The following RUNDC3B variants were observed in gnomAD, a reference collection of about 807,000 sequenced individuals.
RUNDC3B encodes RUN domain-containing protein 3B.
In RUNDC3B, 33 loss-of-function variants were observed where a neutral mutation model predicts 58.4. That is an observed-to-expected ratio of 0.56 (90% CI 0.43 to 0.75). The LOEUF (loss-of-function observed/expected upper bound fraction) is 0.75. RUNDC3B is among the 30% of genes least tolerant of loss of function. The pLI is 0.00. For synonymous variants in RUNDC3B, 193 were observed against 195.2 expected (o/e 0.99, Z 0.10); for missense variants, 501 against 535.7 (o/e 0.94, Z 0.64).
At chr7:87,740,425 C>G (rs1184785593) in intron 5 of RUNDC3B, among the ~76,000 whole-genome samples, 1 of 152,008 alleles carries the variant, frequency 6.6e-6, no homozygotes, top group Non-Finnish European at 1.5e-5. Flanking sequence ...ATGGGCAATA[C>G]AAGTTCTTTT....
intron 2 of RUNDC3B, among the ~76,000 whole-genome samples, chr7:87,695,399 G>C (rs1828413228): frequency 6.6e-6 from 1 of 151,996 alleles, no homozygotes; most frequent in African/African-American, 2.4e-5. Flanking sequence ...TAAGAAACTT[G>C]GGATTGCTGC....
intron 6 of RUNDC3B, among the ~76,000 whole-genome samples, chr7:87,751,623 T>A (rs1311994852): frequency 6.6e-6 from 1 of 152,138 alleles, no homozygotes; most frequent in Non-Finnish European, 1.5e-5. Flanking sequence ...TTCCTAGGTA[T>A]TTTATTCTCT....
intron 2 of RUNDC3B, among the ~76,000 whole-genome samples, chr7:87,683,037 C>G (rs1427807787): frequency 1.3e-5 from 2 of 152,180 alleles, no homozygotes; most frequent in African/African-American, 4.8e-5. Flanking sequence ...GCACTTGCTG[C>G]TTCACCTTTT....
chr7:87,673,545 G>A (rs1826037780), intron 2 of RUNDC3B, among the ~76,000 whole-genome samples: 1 of 152,176 alleles, frequency 6.6e-6, no homozygotes, highest in Admixed American at 6.5e-5. Flanking sequence ...TTCTCGAAGT[G>A]TGCATGTCTA....
intron 4 of RUNDC3B, among the ~76,000 whole-genome samples, chr7:87,717,559 A>G (rs1025640086): frequency 6.6e-6 from 1 of 152,064 alleles, no homozygotes; most frequent in Non-Finnish European, 1.5e-5. Flanking sequence ...AAATCCTACA[A>G]TCTCTCTGTT....
At chr7:87,695,995 C>A (rs780039940) in intron 2 of RUNDC3B, among the ~76,000 whole-genome samples, 3 of 152,016 alleles carry the variant, frequency 2.0e-5, no homozygotes, top group Non-Finnish European at 2.9e-5. Flanking sequence ...AACAGATTGT[C>A]TTTTAGTCTA....
chr7:87,644,788 A>G lies in RUNDC3B; in HGVS notation c.123-6034A>G, dbSNP rs1035644121. ...GGATATATATATATTAATGCAGAACATTAAATATTAAAGATGAATTTTCAC... is the reference window on the plus strand; with the variant it reads ...GGATATATATATATTAATGCAGAACGTTAAATATTAAAGATGAATTTTCAC... On this transcript the variant is annotated intron_variant, in intron 1 of 10. Transcript: ENST00000394654. 2.0e-5 allele frequency among the ~76,000 whole-genome samples: 3 copies of G among 152,106 alleles called. No individual in the cohort carries two copies. In the East Asian group the frequency reaches 5.8e-4, roughly 29 times the overall value.
rs77643197 is a variant in RUNDC3B, at chr7:87,774,418, A to G, written c.799-3380A>G. Among the ~76,000 whole-genome samples the G allele has an allele frequency of 3.3e-3, 501 of 152,230 alleles. 3 individuals carry two copies. The highest frequency in any genetic ancestry group is 0.011 in the African/African-American group (472 of 41,562). ...GATATTGGTGAAGTAAAAAAGAAAC[A>G]GAATTAACAAAACCAAGAGATAATT... On this transcript the variant is annotated intron_variant, in intron 7 of 10. Coordinates refer to ENST00000394654, the MANE Select transcript of RUNDC3B (RefSeq NM_001134405.2).
intron 4 of RUNDC3B, among the ~76,000 whole-genome samples, chr7:87,729,894 G>A (rs190074796): frequency 7.6e-4 from 116 of 152,258 alleles, no homozygotes; most frequent in Admixed American, 5.2e-3. Flanking sequence ...GCATAGCTAC[G>A]GAAGAATAGG....
intron 9 of RUNDC3B, among the ~76,000 whole-genome samples, chr7:87,813,759 C>G (rs1206667678): frequency 2.0e-5 from 3 of 151,934 alleles, no homozygotes; most frequent in Non-Finnish European, 4.4e-5. Flanking sequence ...GCGGGAGGAT[C>G]GTGAGGTCAG....
chr7:87,645,459 G>A (rs1393454420), intron 1 of RUNDC3B, among the ~76,000 whole-genome samples: 2 of 152,024 alleles, frequency 1.3e-5, no homozygotes, highest in Admixed American at 6.6e-5. Context: ...TTTAAATAGA[G>A]ACATTTCAAA....
chr7:87,813,564 A>G (rs1179041585), intron 9 of RUNDC3B, among the ~76,000 whole-genome samples: 1 of 152,214 alleles, frequency 6.6e-6, no homozygotes, highest in African/African-American at 2.4e-5. Flanking sequence ...ATCTTGAGCT[A>G]TCATTCAACT....
chr7:87,713,088 T>C (rs557405506), intron 4 of RUNDC3B: 1 of 152,304 alleles, frequency 6.6e-6, no homozygotes, highest in South Asian at 2.1e-4. Context: ...TGCAAACTTC[T>C]AGTCAAGACA....
chr7:87,669,222 A>G (rs1825587818), intron 2 of RUNDC3B, among the ~76,000 whole-genome samples: 1 of 152,150 alleles, frequency 6.6e-6, no homozygotes, highest in Non-Finnish European at 1.5e-5. Context: ...ATCCTTTACC[A>G]TTAAGTAATG....
At chr7:87,824,781 T>G (rs1335342655) in intron 10 of RUNDC3B, among the ~76,000 whole-genome samples, 1 of 152,168 alleles carries the variant, frequency 6.6e-6, no homozygotes, top group Non-Finnish European at 1.5e-5. Context: ...TGTTGGGAAC[T>G]GGAGCAAAGG....
At chr7:87,649,093 C>T (rs565128239) in intron 1 of RUNDC3B, among the ~76,000 whole-genome samples, 1 of 152,068 alleles carries the variant, frequency 6.6e-6, no homozygotes, top group East Asian at 1.9e-4. Context: ...CTTCTTGATT[C>T]CCCACTGTCT....
chr7:87,726,373 G>A (rs955047799), intron 4 of RUNDC3B, among the ~76,000 whole-genome samples: 2 of 152,216 alleles, frequency 1.3e-5, no homozygotes, highest in Non-Finnish European at 2.9e-5. Context: ...GCTGGTTTTT[G>A]TCAGGTTCGT....
At chr7:87,714,351 C>T (rs1455089675) in intron 4 of RUNDC3B, among the ~76,000 whole-genome samples, 2 of 151,972 alleles carry the variant, frequency 1.3e-5, no homozygotes, top group African/African-American at 4.8e-5. Flanking sequence ...TTAGTGAGGG[C>T]AGGGGTAGGT....
rs545805915 is a variant in RUNDC3B, at chr7:87,777,880, T to C, written c.881T>C (p.Ile294Thr). 6 of 1,613,374 alleles carry C rather than the reference T, an allele frequency of 3.7e-6. No individual in the cohort carries two copies. The highest frequency in any genetic ancestry group is 2.2e-5 in the South Asian group (2 of 91,064). Residue 294 changes from isoleucine to threonine, a missense_variant, in exon 8 of 11, where the codon ATT (isoleucine) becomes ACT (threonine). By Grantham distance (89) the Ile-to-Thr change is moderately conservative (BLOSUM62 -1). Transcript: ENST00000394654. ...VSQNKILLQR[I>T]EDSDLAHKLE... Reference sequence around the variant, plus strand: ...CAGAATAAAATACTACTTCAAAGGATTGAAGATTCCGATCTGGCTCATAAA... The same window carrying C: ...CAGAATAAAATACTACTTCAAAGGACTGAAGATTCCGATCTGGCTCATAAA...
Sources: gnomAD v4.1 joint callset for allele counts (sites outside exome capture counted in the v4.1 genomes callset) on GRCh38, gnomAD v4.1.1 for gene constraint, MANE v1.5 for transcripts, NCBI Gene and HGNC (gene_info 2026-07-23, HGNC 2026-07-21) for gene names.